Variants in P2RY8 observed in about 807,000 individuals in gnomAD.
The protein encoded by P2RY8 is S-geranylgeranyl-glutathione receptor P2RY8.
P2RY8 carries 6 observed loss-of-function variants against 10.0 expected under a neutral mutation model. That is an observed-to-expected ratio of 0.60 (90% confidence interval 0.33 to 1.19). P2RY8 has a LOEUF of 1.19. Ranked by LOEUF, P2RY8 falls within the 50% of genes most tolerant of loss-of-function variation. The probability of loss-of-function intolerance (pLI) is 0.04; values close to 1 mark genes in which losing one functional copy is unlikely to be tolerated. For missense variants in P2RY8, 456 were observed against 542.0 expected (o/e 0.84, Z 1.58); for synonymous variants, 276 against 252.5 (o/e 1.09, Z -0.88).
At position 1,470,163 on chromosome X, in the gene P2RY8, A is replaced by G. The variant is rs531826745; in HGVS notation, c.-24-3581T>C. Among the ~76,000 whole-genome samples, 1,299 of 151,902 alleles carry G rather than the reference A, an allele frequency of 8.6e-3. 8 individuals carry two copies. The highest frequency in any genetic ancestry group is 0.014 in the Non-Finnish European group (964 of 67,962). On this transcript the variant is annotated intron_variant, in intron 1 of 1. Transcript: ENST00000381297. The stretch of plus-strand genomic sequence containing the variant: ...CACCTGAGGTCAGGAGTTCGAGACC[A>G]GCCTGGCCAACATGGTGAAATCCTG...
intron 1 of P2RY8, among the ~76,000 whole-genome samples, chrX:1,503,479 A>G (rs1406168422): frequency 6.6e-6 from 1 of 152,188 alleles, no homozygotes; most frequent in Non-Finnish European, 1.5e-5. Flanking sequence ...TACAACTGCC[A>G]GCTGGGCGTA....
At chrX:1,535,355 T>C (rs2092516408) in intron 1 of P2RY8, among the ~76,000 whole-genome samples, 3 of 151,380 alleles carry the variant, frequency 2.0e-5, no homozygotes, top group Non-Finnish European at 4.4e-5. Context: ...ACTCGGCTAA[T>C]TTTGGTATTT....
intron 1 of P2RY8, among the ~76,000 whole-genome samples, chrX:1,516,066 A>G (rs772007539): frequency 2.7e-5 from 4 of 150,472 alleles, no homozygotes; most frequent in Non-Finnish European, 3.0e-5. Flanking sequence ...GCGCGGTGGC[A>G]GGCACCTGTA....
chrX:1,512,563 A>AAAAG (rs2092306852), intron 1 of P2RY8, among the ~76,000 whole-genome samples: 1 of 151,268 alleles, frequency 6.6e-6, no homozygotes, highest in Admixed American at 6.6e-5. Context: ...AAAAAAAAAA[A>AAAAG]AAGAGACATA....
At chrX:1,486,052 T>C (rs2091983351) in intron 1 of P2RY8, among the ~76,000 whole-genome samples, 1 of 151,944 alleles carries the variant, frequency 6.6e-6, no homozygotes, top group Admixed American at 6.6e-5. Flanking sequence ...AACCCTGTCT[T>C]TACTAAAAAT....
In P2RY8 at chrX:1,537,031, C is replaced by G. The variant is rs2092532748; in HGVS notation, c.-135G>C. 2 of 232,264 alleles carry G rather than the reference C, an allele frequency of 8.6e-6. No homozygotes were observed. Among genetic ancestry groups the G allele is most frequent in the Non-Finnish European group, 1.7e-5 (2 of 117,578 alleles). 14.4% of individuals were successfully genotyped at this position (232,264 alleles called of 1,614,324 possible). A position where few individuals can be genotyped will look rare whatever the true frequency, so the allele number is the denominator to read the frequency against. On this transcript the variant is annotated 5_prime_UTR_variant, in exon 1 of 2. Coordinates refer to ENST00000381297, the MANE Select transcript of P2RY8 (RefSeq NM_178129.5). ...GCCTCAGAGCCCGGGACTCGGGGGG[C>G]CAGCCACCAGCTTGCAAGCCGTGGT...
chrX:1,500,494 G>C (rs2092167237), intron 1 of P2RY8, among the ~76,000 whole-genome samples: 1 of 151,942 alleles, frequency 6.6e-6, no homozygotes, highest in Non-Finnish European at 1.5e-5. Context: ...ATCTAGGCTG[G>C]AGTGCAGTGG....
intron 1 of P2RY8, among the ~76,000 whole-genome samples, chrX:1,483,935 G>A (rs1430744226): frequency 6.6e-6 from 1 of 151,556 alleles, no homozygotes; most frequent in African/African-American, 2.4e-5. Flanking sequence ...CCCAAAGCTG[G>A]GTTTCCCTAA....
In P2RY8 at chrX:1,464,437, G is replaced by A. The variant is rs2091633311; in HGVS notation, c.*1042C>T. The A allele has an allele frequency of 4.3e-6, 1 of 233,380 alleles. No individual in the cohort carries two copies. The highest frequency in any genetic ancestry group is 2.2e-5 in the African/African-American group (1 of 45,322). 14.5% of individuals were successfully genotyped at this position (233,380 alleles called of 1,614,324 possible). A position where few individuals can be genotyped will look rare whatever the true frequency, so the allele number is the denominator to read the frequency against. On this transcript the variant is annotated 3_prime_UTR_variant, in exon 2 of 2. Transcript: ENST00000381297. ...GCATCTGCTGCTTGGTCTCCAAACG[G>A]TCTCATGGGTCAGGCCAGTTGCCTG... is the stretch of plus-strand genomic sequence containing the variant.
chrX:1,525,195 G>C (rs1267713055), intron 1 of P2RY8, among the ~76,000 whole-genome samples: 1 of 152,242 alleles, frequency 6.6e-6, no homozygotes, highest in Admixed American at 6.5e-5. Context: ...TTTGTTTGGA[G>C]AGTGTTTTGA....
intron 1 of P2RY8, among the ~76,000 whole-genome samples, chrX:1,498,371 A>C (rs1315241491): frequency 2.2e-5 from 3 of 134,582 alleles, no homozygotes; most frequent in East Asian, 2.3e-4. Flanking sequence ...GCGCCACTGC[A>C]CTCCAGCCTG....
intron 1 of P2RY8, among the ~76,000 whole-genome samples, chrX:1,510,950 G>C (rs1336026895): frequency 6.6e-6 from 1 of 151,964 alleles, no homozygotes; most frequent in African/African-American, 2.4e-5. Context: ...AGGCCAAGGC[G>C]GGTGGATCAC....
chrX:1,477,765 C>T (rs1172381950), intron 1 of P2RY8, among the ~76,000 whole-genome samples: 1 of 152,162 alleles, frequency 6.6e-6, no homozygotes, highest in Non-Finnish European at 1.5e-5. Flanking sequence ...AACCTGCCCT[C>T]AAGCAACTGT....
chrX:1,533,625 T>C (rs1313766759), intron 1 of P2RY8, among the ~76,000 whole-genome samples: 2 of 123,800 alleles, frequency 1.6e-5, no homozygotes, highest in African/African-American at 6.4e-5. Context: ...TATATTTATA[T>C]ATTATTATTT....
chrX:1,511,232 A>G (rs190990454), intron 1 of P2RY8, among the ~76,000 whole-genome samples: 2 of 152,316 alleles, frequency 1.3e-5, no homozygotes, highest in African/African-American at 4.8e-5. Flanking sequence ...AGACAGCCTC[A>G]TTGGGGCACA....
intron 1 of P2RY8, among the ~76,000 whole-genome samples, chrX:1,501,549 A>G (rs751431735): frequency 1.3e-5 from 2 of 152,012 alleles, no homozygotes; most frequent in East Asian, 1.9e-4. Flanking sequence ...TTGTAGACAT[A>G]GGGGTCTCAC....
At chrX:1,518,951 G>C (rs1205186105) in intron 1 of P2RY8, among the ~76,000 whole-genome samples, 2 of 149,614 alleles carry the variant, frequency 1.3e-5, no homozygotes, top group Middle Eastern at 3.5e-3. Context: ...CCTGCCCCCA[G>C]TAATCTCCCT....
At chrX:1,507,978 A>C (rs1309101757) in intron 1 of P2RY8, among the ~76,000 whole-genome samples, 2 of 152,050 alleles carry the variant, frequency 1.3e-5, no homozygotes, top group African/African-American at 2.4e-5. Context: ...GCCATCCCTC[A>C]GGAGACCTCC....
intron 1 of P2RY8, among the ~76,000 whole-genome samples, chrX:1,518,028 G>C: frequency 6.6e-6 from 1 of 151,920 alleles, no homozygotes; most frequent in East Asian, 1.9e-4. Context: ...AGAATTGCTT[G>C]AACCTGGGAG....
Sources: gnomAD v4.1 joint callset for allele counts (sites outside exome capture counted in the v4.1 genomes callset) on GRCh38, gnomAD v4.1.1 for gene constraint, MANE v1.5 for transcripts, NCBI Gene and HGNC (gene_info 2026-07-23, HGNC 2026-07-21) for gene names.